BTG4: variants seen among roughly 807,000 people sequenced by gnomAD.
BTG4 encodes the protein protein BTG4.
In BTG4, 10 loss-of-function variants were observed where a neutral mutation model predicts 19.3. The observed-to-expected ratio is 0.52, with a 90% CI of 0.32 to 0.88. The LOEUF (loss-of-function observed/expected upper bound fraction) is 0.88, where lower values mean the gene tolerates loss of function less well. BTG4 is among the 40% of genes least tolerant of loss of function. The probability of loss-of-function intolerance (pLI) is 0.04; values close to 1 mark genes in which losing one functional copy is unlikely to be tolerated. For missense variants in BTG4, 238 were observed against 281.9 expected (o/e 0.84, Z 1.11); for synonymous variants, 91 against 95.7 (o/e 0.95, Z 0.29).
At chr11:111,456,670 C>T in the BTG4 span, 1 of 398,898 alleles carries the variant, frequency 2.5e-6, no homozygotes, top group Non-Finnish European at 5.2e-6. The surrounding 1 kb of genome is among the most constrained non-coding windows in gnomAD (Gnocchi z 4.2). Context: ...GAGGGTGCTG[C>T]CCGAGGCTGG....
chr11:111,420,446 G>C, the BTG4 span, among the ~76,000 whole-genome samples: 14 of 152,352 alleles, frequency 9.2e-5, no homozygotes, highest in African/African-American at 3.4e-4. Context: ...AAAGACCAAG[G>C]ATCAGGAGGA....
chr11:111,444,089 G>A, the BTG4 span, among the ~76,000 whole-genome samples: 1 of 152,072 alleles, frequency 6.6e-6, no homozygotes, highest in African/African-American at 2.4e-5. Context: ...AAAAATAAAT[G>A]AACAAAATAG....
At chr11:111,455,510 G>T in the BTG4 span, 1 of 241,840 alleles carries the variant, frequency 4.1e-6, no homozygotes, top group Non-Finnish European at 8.6e-6. Flanking sequence ...TCGGGAGGCA[G>T]GAGCAGTGGG....
chr11:111,447,026 C>T, the BTG4 span, among the ~76,000 whole-genome samples: 1 of 152,296 alleles, frequency 6.6e-6, no homozygotes, highest in Middle Eastern at 3.4e-3. Flanking sequence ...GCGTGGCTGT[C>T]CCCCCACAGG....
the BTG4 span, among the ~76,000 whole-genome samples, chr11:111,396,057 G>A: frequency 1.3e-5 from 2 of 152,174 alleles, no homozygotes; most frequent in Admixed American, 1.3e-4. Flanking sequence ...CTTCTCCTCA[G>A]CCCCTGCCCA....
At chr11:111,446,393 C>T in the BTG4 span, among the ~76,000 whole-genome samples, 3 of 152,110 alleles carry the variant, frequency 2.0e-5, no homozygotes, top group Non-Finnish European at 4.4e-5. Context: ...CCTCGCAAAA[C>T]TTTGATACTG....
chr11:111,465,727 G>A (rs1162592164), downstream of BTG4, among the ~76,000 whole-genome samples: 1 of 152,154 alleles, frequency 6.6e-6, no homozygotes, highest in Non-Finnish European at 1.5e-5. Context: ...ACATTTTGGT[G>A]AGTTCCCAGG....
At chr11:111,500,154 T>A (rs989272784) in intron 1 of BTG4, among the ~76,000 whole-genome samples, 30 of 151,020 alleles carry the variant, frequency 2.0e-4, no homozygotes, top group South Asian at 2.1e-4. Context: ...AAAATAAAAA[T>A]AAAAATAAAT....
chr11:111,492,392 C>T (rs2135642302), downstream of BTG4, among the ~76,000 whole-genome samples: 1 of 152,044 alleles, frequency 6.6e-6, no homozygotes, highest in South Asian at 2.1e-4. Context: ...TTTTTTTAGT[C>T]CACTAAATTG....
chr11:111,388,926 C>A, the BTG4 span, among the ~76,000 whole-genome samples: 1 of 152,176 alleles, frequency 6.6e-6, no homozygotes, highest in Non-Finnish European at 1.5e-5. Flanking sequence ...CACACAGGAA[C>A]CTCCTCCTCT....
At chr11:111,394,798 A>G in the BTG4 span, among the ~76,000 whole-genome samples, 1 of 152,152 alleles carries the variant, frequency 6.6e-6, no homozygotes, top group African/African-American at 2.4e-5. Context: ...GGAAATCATC[A>G]TCTGGTGATA....
At chr11:111,389,887 GA>G in the BTG4 span, among the ~76,000 whole-genome samples, 265 of 152,296 alleles carry the variant, frequency 1.7e-3, no homozygotes, top group Non-Finnish European at 2.7e-3. Flanking sequence ...ACAACTCCAG[GA>G]GTTCCATGTG....
Position 111,497,316 on chromosome 11 carries a change from A to G in BTG4, c.405T>C (p.Ser135=), listed in dbSNP as rs980151925. The G allele has an allele frequency of 6.2e-7, 1 of 1,604,272 alleles. No homozygotes were observed. The highest frequency in any genetic ancestry group is 1.7e-5 in the Admixed American group (1 of 57,938). The part of the protein sequence containing the change: ...ELYQQISYAV[S]RASSDVSSGT... ...CAGAGGAAACGTCTGATGAGGCTCTACTAACGGCATAACTGATTTGTTGAT... is the reference window on the plus strand; with the variant it reads ...CAGAGGAAACGTCTGATGAGGCTCTGCTAACGGCATAACTGATTTGTTGAT... The change falls in exon 4 of 5, where the codon AGT becomes AGC. Residue 135 remains serine, a synonymous_variant. Coordinates refer to ENST00000692032, the MANE Select transcript of BTG4 (RefSeq NM_001367975.1).
chr11:111,454,421 G>A, the BTG4 span: 1 of 416,642 alleles, frequency 2.4e-6, no homozygotes, highest in Middle Eastern at 3.5e-4. Context: ...GCTAGAAAGA[G>A]TCTCCTCTTC....
At chr11:111,405,658 T>C in the BTG4 span, among the ~76,000 whole-genome samples, 1 of 152,122 alleles carries the variant, frequency 6.6e-6, no homozygotes, top group African/African-American at 2.4e-5. Context: ...GAGGGAGGGC[T>C]ACCTGAAATT....
chr11:111,467,879 C>T (rs899274804), intron 5 of BTG4, among the ~76,000 whole-genome samples: 1 of 152,142 alleles, frequency 6.6e-6, no homozygotes, highest in African/African-American at 2.4e-5. Context: ...TAGCTTGGTG[C>T]CCTTTAATAG....
At chr11:111,459,969 C>G in the BTG4 span, among the ~76,000 whole-genome samples, 1 of 152,112 alleles carries the variant, frequency 6.6e-6, no homozygotes, top group African/African-American at 2.4e-5. Flanking sequence ...AACCCCAGGA[C>G]CATAAATCAT....
intron 5 of BTG4, among the ~76,000 whole-genome samples, chr11:111,474,841 G>C (rs1301289498): frequency 6.6e-6 from 1 of 152,014 alleles, no homozygotes; most frequent in African/African-American, 2.4e-5. Flanking sequence ...TCATTTTTCT[G>C]GTGTGTGGTA....
the BTG4 span, among the ~76,000 whole-genome samples, chr11:111,403,755 A>T: frequency 6.6e-6 from 1 of 152,192 alleles, no homozygotes; most frequent in Admixed American, 6.5e-5. Context: ...GGCACATGGG[A>T]TGTACTGGTT....
Sources: gnomAD v4.1 joint callset for allele counts (sites outside exome capture counted in the v4.1 genomes callset) on GRCh38, gnomAD v4.1.1 for gene constraint, Gnocchi (gnomAD v3.1) non-coding constraint, MANE v1.5 for transcripts, NCBI Gene and HGNC (gene_info 2026-07-23, HGNC 2026-07-21) for gene names.